The following EPS8 variants were observed in gnomAD, a reference collection of about 807,000 sequenced individuals.
EPS8 encodes the protein epidermal growth factor receptor kinase substrate 8.
EPS8 carries 42 observed loss-of-function variants against 103.8 expected under a neutral mutation model. The observed-to-expected ratio is 0.40, with a 90% CI of 0.32 to 0.52. The LOEUF is 0.52. Among genes scored for constraint, EPS8 ranks in the 20% least tolerant of loss-of-function variants. EPS8 has a pLI of 0.40. For missense variants in EPS8, 969 were observed against 1,005.1 expected (o/e 0.96, Z 0.49); for synonymous variants, 344 against 344.6 (o/e 1.00, Z 0.02).
rs191038865 is a variant in EPS8, at chr12:15,625,933, C to T, written c.2045-1526G>A. 1.4e-3 allele frequency among the ~76,000 whole-genome samples: 208 copies of T among 152,268 alleles called. 1 individual carries two copies. Among genetic ancestry groups the T allele is most frequent in the African/African-American group, 5.0e-3 (206 of 41,550 alleles). ...CGGAACTTGGGTGCATATATGCTGT[C>T]TACTTGATATATTCATTTGGGTATT... On this transcript the variant is annotated intron_variant, in intron 18 of 20. Coordinates refer to ENST00000281172, the MANE Select transcript of EPS8 (RefSeq NM_004447.6).
At position 15,777,861 on chromosome 12, in the gene EPS8, C is replaced by T. The variant is rs1947222882; in HGVS notation, c.-22+11300G>A. ...GTAAAAGACTATTTTCTTGACAAGACCATGGAAAGTAGCCAGTCTTAAGAT... is the reference window on the plus strand; with the variant it reads ...GTAAAAGACTATTTTCTTGACAAGATCATGGAAAGTAGCCAGTCTTAAGAT... On this transcript the variant is annotated intron_variant, in intron 1 of 20. Coordinates refer to ENST00000281172, the MANE Select transcript of EPS8 (RefSeq NM_004447.6). This position sits in a 1 kb window ranked among gnomAD's most constrained non-coding sequence, Gnocchi z 4.7. Among the ~76,000 whole-genome samples the T allele has an allele frequency of 6.6e-6, 1 of 152,002 alleles. No individual in the cohort carries two copies. The highest frequency in any genetic ancestry group is 2.4e-5 in the African/African-American group (1 of 41,362).
rs1456583224 is a variant in EPS8 at position 15,760,991 on chromosome 12, G to C, written c.-22+28170C>G. On this transcript the variant is annotated intron_variant, in intron 1 of 20. Coordinates refer to ENST00000281172, the MANE Select transcript of EPS8 (RefSeq NM_004447.6). The surrounding 1 kb of genome is among the most constrained non-coding windows in gnomAD (Gnocchi z 4.5). The stretch of plus-strand genomic sequence containing the variant: ...AAGAAAGGGCATCCAAATTGGAAAA[G>C]AAAAACCCAAATTATCCTTGTCTGC... Among the ~76,000 whole-genome samples the C allele has an allele frequency of 6.6e-6, 1 of 151,902 alleles. No homozygotes were observed. The highest frequency in any genetic ancestry group is 1.5e-5 in the Non-Finnish European group (1 of 67,918).
At position 15,767,567 on chromosome 12, in the gene EPS8, T is replaced by C. The variant is rs1174583266; in HGVS notation, c.-22+21594A>G. ...ATAAAGAAGTACTTTATTATCCTCA[T>C]TGTTACTCTATTTTCCAAAACAGTG... On this transcript the variant is annotated intron_variant, in intron 1 of 20. Coordinates refer to ENST00000281172, the MANE Select transcript of EPS8 (RefSeq NM_004447.6). This position sits in a 1 kb window ranked among gnomAD's most constrained non-coding sequence, Gnocchi z 5.5. Among the ~76,000 whole-genome samples, 1 of 152,206 alleles carries C rather than the reference T, an allele frequency of 6.6e-6. No individual in the cohort carries two copies. The highest frequency in any genetic ancestry group is 1.5e-5 in the Non-Finnish European group (1 of 68,034).
intron 18 of EPS8, among the ~76,000 whole-genome samples, chr12:15,625,728 C>T (rs930692697): frequency 4.6e-5 from 7 of 152,082 alleles, no homozygotes; most frequent in African/African-American, 1.7e-4. Context: ...TCTGGACTCC[C>T]CTTCTCTGGA....
intron 1 of EPS8, among the ~76,000 whole-genome samples, chr12:15,703,576 A>C (rs923866179): frequency 9.9e-5 from 15 of 152,020 alleles, no homozygotes; most frequent in African/African-American, 3.6e-4. Context: ...TATGAAAAGA[A>C]GATGTGATGA....
intron 15 of EPS8, among the ~76,000 whole-genome samples, chr12:15,644,319 A>G (rs1945282918): frequency 6.6e-6 from 1 of 152,162 alleles, no homozygotes; most frequent in African/African-American, 2.4e-5. Flanking sequence ...ACCATGAGGC[A>G]TCTCTGGAGT....
chr12:15,768,576 A>C (rs1046930087), intron 1 of EPS8, among the ~76,000 whole-genome samples: 1 of 152,068 alleles, frequency 6.6e-6, no homozygotes, highest in Non-Finnish European at 1.5e-5. Flanking sequence ...TTCTTGATAC[A>C]TTAAGTCACG....
At chr12:15,774,682 CATATAA>C (rs1947190097) in intron 1 of EPS8, among the ~76,000 whole-genome samples, 1 of 146,190 alleles carries the variant, frequency 6.8e-6, no homozygotes, top group African/African-American at 2.5e-5. Context: ...ATATTTTAAA[CATATAA>C]ATATATAAAT....
At chr12:15,730,461 T>G (rs1452101259) in intron 1 of EPS8, among the ~76,000 whole-genome samples, 1 of 152,188 alleles carries the variant, frequency 6.6e-6, no homozygotes, top group Non-Finnish European at 1.5e-5. Flanking sequence ...GAGTATAAAC[T>G]GTAAGCATGG....
chr12:15,766,170 A>G (rs111583794), intron 1 of EPS8, among the ~76,000 whole-genome samples: 6 of 151,890 alleles, frequency 4.0e-5, no homozygotes, highest in African/African-American at 1.4e-4. Flanking sequence ...TAGTGTTTAA[A>G]AAAAGAAAGA....
chr12:15,670,933 A>G lies in EPS8; in HGVS notation c.137-10T>C, dbSNP rs1198310336. ...TAATTCTTCCTTTGTTCTGAAAGAG[A>G]AATTGAAAAAGCCATGATTTGTCCC... On this transcript the variant is annotated splice_polypyrimidine_tract_variant and intron_variant, in intron 3 of 20. Transcript: ENST00000281172. 6.2e-7 allele frequency: 1 copy of G among 1,609,328 alleles called. No individual in the cohort carries two copies. The highest frequency in any genetic ancestry group is 8.5e-7 in the Non-Finnish European group (1 of 1,176,186).
intron 1 of EPS8, among the ~76,000 whole-genome samples, chr12:15,711,170 G>C (rs1946458434): frequency 6.6e-6 from 1 of 151,960 alleles, no homozygotes; most frequent in African/African-American, 2.4e-5. Context: ...CTCCCAAAGT[G>C]CTGGGATTAC....
In EPS8 at chr12:15,780,293, C is replaced by T. The variant is rs1947246848; in HGVS notation, c.-22+8868G>A. ...ATGTGGGAATGTGCAGAATTTCCCA[C>T]CACTCCCATCATGCCAACCTATTCC... On this transcript the variant is annotated intron_variant, in intron 1 of 20. Transcript: ENST00000281172. This position sits in a 1 kb window ranked among gnomAD's most constrained non-coding sequence, Gnocchi z 4.1. The T allele has an allele frequency of 1.3e-5, 2 of 152,102 alleles. No individual in the cohort carries two copies. Among genetic ancestry groups the T allele is most frequent in the Non-Finnish European group, 2.9e-5 (2 of 68,018 alleles). The allele number at this position is 152,102 out of a possible 1,614,324, so 9.4% of individuals were successfully genotyped here. A position where few individuals can be genotyped will look rare whatever the true frequency, so the allele number is the denominator to read the frequency against.
At position 15,734,802 on chromosome 12, in the gene EPS8, G is replaced by A. The variant is rs565783550; in HGVS notation, c.-21-51830C>T. Among the ~76,000 whole-genome samples the A allele has an allele frequency of 7.9e-5, 12 of 152,144 alleles. No individual in the cohort carries two copies. Among genetic ancestry groups the A allele is most frequent in the Non-Finnish European group, 1.2e-4 (8 of 68,004 alleles). ...CATTTAACTCACTGTGACACTTCAC[G>A]ATATTAATACTTCTACCTTACATTG... On this transcript the variant is annotated intron_variant, in intron 1 of 20. Transcript: ENST00000281172. The surrounding 1 kb of genome is among the most constrained non-coding windows in gnomAD (Gnocchi z 4.1).
rs2136041088 is a variant in EPS8, at chr12:15,769,420, T to C, written c.-22+19741A>G. 6.6e-6 allele frequency among the ~76,000 whole-genome samples: 1 copy of C among 152,212 alleles called. No homozygotes were observed. Among genetic ancestry groups the C allele is most frequent in the Admixed American group, 6.5e-5 (1 of 15,286 alleles). ...AATGAAAAATGCATTTTCAAGGATA[T>C]ATTAAAGAAAATCACTCAGAGTTTT... On this transcript the variant is annotated intron_variant, in intron 1 of 20. Transcript: ENST00000281172. The surrounding 1 kb of genome is among the most constrained non-coding windows in gnomAD (Gnocchi z 4.6).
rs1339978796 is a variant in EPS8, at chr12:15,779,542, A to G, written c.-22+9619T>C. Among the ~76,000 whole-genome samples the G allele has an allele frequency of 6.6e-6, 1 of 152,202 alleles. No individual in the cohort carries two copies. The highest frequency in any genetic ancestry group is 1.5e-5 in the Non-Finnish European group (1 of 68,036). ...CCACTTCAGATACTGGAAACATTCT[A>G]TTGTTGCATTAAACCAACAAATATC... is the stretch of plus-strand genomic sequence containing the variant. On this transcript the variant is annotated intron_variant, in intron 1 of 20. Transcript: ENST00000281172. The surrounding 1 kb of genome is among the most constrained non-coding windows in gnomAD (Gnocchi z 4.3).
chr12:15,628,668 C>CTTCA (rs1390504874), intron 18 of EPS8, among the ~76,000 whole-genome samples: 1 of 152,212 alleles, frequency 6.6e-6, no homozygotes, highest in African/African-American at 2.4e-5. Flanking sequence ...CACAAAAGGG[C>CTTCA]TTCACTCTTG....
At chr12:15,625,736 G>A (rs1400114710) in intron 18 of EPS8, among the ~76,000 whole-genome samples, 1 of 151,996 alleles carries the variant, frequency 6.6e-6, no homozygotes, top group Non-Finnish European at 1.5e-5. Context: ...CCCCTTCTCT[G>A]GATCCTCTTC....
chr12:15,762,183 G>A lies in EPS8; in HGVS notation c.-22+26978C>T, dbSNP rs974146692. Among the ~76,000 whole-genome samples the A allele has an allele frequency of 1.3e-5, 2 of 152,094 alleles. No individual in the cohort carries two copies. Among genetic ancestry groups the A allele is most frequent in the African/African-American group, 2.4e-5 (1 of 41,434 alleles). On this transcript the variant is annotated intron_variant, in intron 1 of 20. Coordinates refer to ENST00000281172, the MANE Select transcript of EPS8 (RefSeq NM_004447.6). This position sits in a 1 kb window ranked among gnomAD's most constrained non-coding sequence, Gnocchi z 4.8. ...AAATGGCAAACAGGCATACGAAAAG[G>A]TGCTCAACATCACTGATCATCAGAG...
Sources: allele counts gnomAD v4.1 joint callset (sites outside exome capture counted in the v4.1 genomes callset), GRCh38; gene constraint gnomAD v4.1.1; non-coding constraint Gnocchi (gnomAD v3.1); transcripts MANE v1.5; gene names NCBI Gene and HGNC (gene_info 2026-07-23, HGNC 2026-07-21).